The following TMEM62 variants were observed in gnomAD, a reference collection of about 807,000 sequenced individuals.
TMEM62 encodes the protein transmembrane protein 62.
A neutral mutation model predicts 70.4 loss-of-function variants in TMEM62; 41 were observed. That is an observed-to-expected ratio of 0.58 (90% confidence interval 0.45 to 0.76). The LOEUF is 0.76. Ranked by LOEUF, TMEM62 falls within the 30% of genes least tolerant of loss-of-function variation. TMEM62 has a pLI of 0.00. For missense variants in TMEM62, 688 were observed against 788.5 expected, an observed-to-expected ratio of 0.87 and a Z score of 1.53; for synonymous variants, 268 against 291.0, an observed-to-expected ratio of 0.92 and a Z score of 0.80.
intron 3 of TMEM62, among the ~76,000 whole-genome samples, chr15:43,137,212 T>C (rs2035351003): frequency 6.6e-6 from 1 of 152,238 alleles, no homozygotes; most frequent in Non-Finnish European, 1.5e-5. Context: ...GGTTGACTTT[T>C]TTATTAGCTA....
At chr15:43,165,295 C>T (rs1165736055) in intron 10 of TMEM62, among the ~76,000 whole-genome samples, 3 of 150,544 alleles carry the variant, frequency 2.0e-5, no homozygotes, top group Non-Finnish European at 4.4e-5. Context: ...TATAGATGGT[C>T]TTTAAGCTCA....
intron 11 of TMEM62, among the ~76,000 whole-genome samples, chr15:43,175,645 T>C (rs2040644666): frequency 6.6e-6 from 1 of 152,138 alleles, no homozygotes; most frequent in Non-Finnish European, 1.5e-5. Context: ...AGCCTTTCAG[T>C]TGGAGTAAGA....
chr15:43,149,197 G>A, intron 7 of TMEM62, 46 bp downstream of exon 7: 1 of 1,592,092 alleles, frequency 6.3e-7, no homozygotes, highest in Non-Finnish European at 8.6e-7. Flanking sequence ...CATAAGTTTT[G>A]CCAAAGCAAT....
At chr15:43,140,383 G>C (rs766067180) in intron 4 of TMEM62, among the ~76,000 whole-genome samples, 3 of 152,140 alleles carry the variant, frequency 2.0e-5, no homozygotes, top group Non-Finnish European at 1.5e-5. Context: ...GGAGTGGCCC[G>C]TTGCAGACAC....
chr15:43,165,760 A>T (rs909512019), intron 10 of TMEM62, among the ~76,000 whole-genome samples: 1 of 151,654 alleles, frequency 6.6e-6, no homozygotes, highest in African/African-American at 2.4e-5. Flanking sequence ...AATTAAATAA[A>T]AAATAAATAA....
chr15:43,150,315 GA>G (rs2037207276), intron 7 of TMEM62, among the ~76,000 whole-genome samples: 2 of 152,290 alleles, frequency 1.3e-5, no homozygotes, highest in African/African-American at 4.8e-5. Context: ...TGCCTTTTGT[GA>G]GATAGTCTTA....
intron 4 of TMEM62, among the ~76,000 whole-genome samples, chr15:43,145,103 C>CAAA (rs200747419): frequency 1.4e-4 from 15 of 109,320 alleles, no homozygotes; most frequent in Admixed American, 4.2e-4. Context: ...GACTCCGTCT[C>CAAA]AAAAAAAAAA....
In TMEM62 at chr15:43,181,252, G is replaced by A; in HGVS notation, c.1558G>A (p.Gly520Arg). The change falls in exon 13 of 14, where the codon GGA (glycine) becomes AGA (arginine). Residue 520 changes from glycine to arginine, a missense_variant. Coordinates refer to ENST00000260403, the MANE Select transcript of TMEM62 (RefSeq NM_024956.4). ...CCFSFGIFVN[G>R]HFLQGSITFI... ...CTTTTCCTTTGGGATATTTGTTAAT[G>A]GACATTTCCTACAAGGCAGCATAAC... The A allele has an allele frequency of 1.9e-6, 3 of 1,613,746 alleles. No homozygotes were observed.
At chr15:43,159,133 A>G (rs952664399) in intron 9 of TMEM62, among the ~76,000 whole-genome samples, 13 of 152,140 alleles carry the variant, frequency 8.5e-5, no homozygotes, top group African/African-American at 2.9e-4. Context: ...GTAGGTGTGT[A>G]TATCTGTGGG....
chr15:43,162,185 T>C (rs1020496758), intron 10 of TMEM62, among the ~76,000 whole-genome samples: 1 of 152,066 alleles, frequency 6.6e-6, no homozygotes. Context: ...TCACCCAGGC[T>C]GGAGTACAGC....
chr15:43,181,339 T>C (rs930420000), intron 13 of TMEM62, 40 bp downstream of exon 13: 3 of 1,297,064 alleles, frequency 2.3e-6, no homozygotes, highest in Middle Eastern at 1.9e-4. Flanking sequence ...ATCTTGGACT[T>C]GTCAGACTAA....
At position 43,133,932 on chromosome 15, in the gene TMEM62, C is replaced by T; in HGVS notation, c.130C>T (p.Pro44Ser). 1 of 1,481,126 alleles carries T rather than the reference C, an allele frequency of 6.8e-7. No homozygotes were observed. The highest frequency in any genetic ancestry group is 8.9e-7 in the Non-Finnish European group (1 of 1,124,646). The allele number at this position is 1,481,126 out of a possible 1,614,324, so 91.7% of individuals were successfully genotyped here. The change falls in exon 1 of 14, where the codon CCG (proline) becomes TCG (serine). Residue 44 changes from proline (P) to serine (S), a missense_variant. By Grantham distance (74) the Pro-to-Ser change is moderately conservative. Coordinates refer to ENST00000260403, the MANE Select transcript of TMEM62 (RefSeq NM_024956.4). ...GCCGCGCCCCGCGCCCCCCAGGAGG[C>T]CGCACCCTGCGCCAGGGCCCGGAGA... ...PLPRPAPPRR[P>S]HPAPGPGDSN...
intron 9 of TMEM62, 120 bp from the exon 10 acceptor site, chr15:43,160,561 C>CAACAACAAT (rs920026332): frequency 2.9e-5 from 18 of 625,804 alleles, no homozygotes; most frequent in Non-Finnish European, 4.6e-5. Flanking sequence ...ACAACAACAA[C>CAACAACAAT]AACAACAATA....
chr15:43,159,313 A>G (rs934871037), intron 9 of TMEM62, among the ~76,000 whole-genome samples: 3 of 152,204 alleles, frequency 2.0e-5, no homozygotes, highest in Admixed American at 6.5e-5. Context: ...CTGTTGTGCT[A>G]TCAAATAGTA....
Position 43,151,884 on chromosome 15 carries a change from C to G in TMEM62, c.961C>G (p.Leu321Val). ...PVVLITNPKS[L>V]LYSCGEHEPL... ...GGTTCTTATCACCAATCCTAAATCA[C>G]TCCTTTATAGTTGTGGTGAACATGA... is the stretch of plus-strand genomic sequence containing the variant. The change falls in exon 8 of 14, where the codon CTC (leucine) becomes GTC (valine). Residue 321 changes from leucine to valine, a missense_variant. Coordinates refer to ENST00000260403, the MANE Select transcript of TMEM62 (RefSeq NM_024956.4). 6.2e-7 allele frequency: 1 copy of G among 1,613,750 alleles called. No homozygotes were observed. The highest frequency in any genetic ancestry group is 8.5e-7 in the Non-Finnish European group (1 of 1,179,746).
intron 4 of TMEM62, among the ~76,000 whole-genome samples, chr15:43,143,634 T>C (rs1399479442): frequency 1.3e-5 from 2 of 152,256 alleles, no homozygotes; most frequent in Non-Finnish European, 2.9e-5. Flanking sequence ...ATACTGATTC[T>C]CCTGGCCTCT....
chr15:43,157,782 T>C (rs2038216584), intron 9 of TMEM62, among the ~76,000 whole-genome samples: 1 of 152,200 alleles, frequency 6.6e-6, no homozygotes, highest in Admixed American at 6.5e-5. Context: ...CCTGGAAGAC[T>C]AACAGTAGTT....
At chr15:43,142,451 C>A (rs2036162279) in intron 4 of TMEM62, among the ~76,000 whole-genome samples, 1 of 151,966 alleles carries the variant, frequency 6.6e-6, no homozygotes, top group African/African-American at 2.4e-5. Context: ...GGGTGAGCCA[C>A]CGCGCCCGGC....
chr15:43,184,082 T>C (rs2041657156), intron 13 of TMEM62, 178 bp from the exon 14 acceptor site: 1 of 612,682 alleles, frequency 1.6e-6, no homozygotes. Flanking sequence ...TAAAAGGACA[T>C]GGGCAAATAC....
Sources: gnomAD v4.1 joint callset for allele counts (sites outside exome capture counted in the v4.1 genomes callset) on GRCh38, gnomAD v4.1.1 for gene constraint, MANE v1.5 for transcripts, NCBI Gene and HGNC (gene_info 2026-07-23, HGNC 2026-07-21) for gene names.